Variants in GPHN observed in about 807,000 individuals in gnomAD.
GPHN encodes gephyrin.
In GPHN, 17 loss-of-function variants were observed where a neutral mutation model predicts 95.5. The observed-to-expected ratio is 0.18, with a 90% CI of 0.12 to 0.27. The LOEUF is 0.27. Ranked by LOEUF, GPHN falls within the 10% of genes least tolerant of loss-of-function variation. The pLI, the probability that GPHN is intolerant of heterozygous loss-of-function variation, is 1.00. For synonymous variants in GPHN, 320 were observed against 322.5 expected, an observed-to-expected ratio of 0.99 and a Z score of 0.08; for missense variants, 660 against 978.1, an observed-to-expected ratio of 0.67 and a Z score of 4.34.
At chr14:66,962,864 C>T (rs1443955302) in intron 8 of GPHN, among the ~76,000 whole-genome samples, 1 of 151,670 alleles carries the variant, frequency 6.6e-6, no homozygotes, top group Non-Finnish European at 1.5e-5. Flanking sequence ...AATAATTTAT[C>T]TTCCAAACCA....
chr14:66,611,153 A>C lies in GPHN; in HGVS notation c.65-69954A>C, dbSNP rs932554711. ...TGCATAGAAATTTTTCAAATAAGAA[A>C]CTAATATACTTCAAGAATATGCAGG... is the stretch of plus-strand genomic sequence containing the variant. On this transcript the variant is annotated intron_variant, in intron 1 of 22. Coordinates refer to ENST00000478722, the MANE Select transcript of GPHN (RefSeq NM_020806.5). Among the ~76,000 whole-genome samples the C allele has an allele frequency of 2.0e-5, 3 of 152,196 alleles. No individual in the cohort carries two copies. The East Asian group carries it at 5.8e-4, about 29-fold the overall frequency.
intron 3 of GPHN, among the ~76,000 whole-genome samples, chr14:66,794,173 G>A (rs1277182103): frequency 6.6e-6 from 1 of 152,134 alleles, no homozygotes; most frequent in African/African-American, 2.4e-5. Flanking sequence ...GGCCTGGTGG[G>A]AGGTGACTGG....
intron 1 of GPHN, among the ~76,000 whole-genome samples, chr14:66,655,147 C>G (rs554484944): frequency 6.6e-6 from 1 of 152,184 alleles, no homozygotes; most frequent in East Asian, 1.9e-4. Flanking sequence ...TCTATGTATA[C>G]TAAAAATACT....
chr14:67,527,929 G>A, the GPHN span, among the ~76,000 whole-genome samples: 1 of 152,176 alleles, frequency 6.6e-6, no homozygotes, highest in Non-Finnish European at 1.5e-5. Context: ...GGAGGTCAAG[G>A]AGCATGAAGA....
chr14:67,729,093 A>C, the GPHN span: 19 of 1,181,860 alleles, frequency 1.6e-5, no homozygotes, highest in African/African-American at 3.0e-5. Flanking sequence ...ATGTTTCCTG[A>C]GTCCCTCCTT....
the GPHN span, among the ~76,000 whole-genome samples, chr14:67,269,257 T>C: frequency 6.6e-6 from 1 of 152,358 alleles, no homozygotes; most frequent in Admixed American, 6.5e-5. Flanking sequence ...TTTAATAAAT[T>C]CATCAGTTGA....
intron 1 of GPHN, among the ~76,000 whole-genome samples, chr14:66,523,825 T>A (rs2058575535): frequency 6.6e-6 from 1 of 152,096 alleles, no homozygotes; most frequent in African/African-American, 2.4e-5. Context: ...CTGTACAACT[T>A]TTGGGTATCT....
intron 9 of GPHN, among the ~76,000 whole-genome samples, chr14:67,007,682 G>C (rs778730910): frequency 5.3e-5 from 8 of 152,120 alleles, no homozygotes; most frequent in Non-Finnish European, 1.0e-4. Flanking sequence ...CACTCCTTCG[G>C]TCAACCTATG....
intron 18 of GPHN, among the ~76,000 whole-genome samples, chr14:67,145,122 A>G (rs1391995104): frequency 2.0e-5 from 3 of 152,228 alleles, no homozygotes; most frequent in East Asian, 1.9e-4. Flanking sequence ...TACTCTCAAT[A>G]TTACAAGAGC....
At chr14:66,912,398 C>T (rs942198295) in intron 5 of GPHN, among the ~76,000 whole-genome samples, 5 of 152,042 alleles carry the variant, frequency 3.3e-5, no homozygotes, top group Admixed American at 6.6e-5. Context: ...AAATGCCCTT[C>T]CTATTGTTCC....
At chr14:66,574,775 A>G (rs2060839357) in intron 1 of GPHN, among the ~76,000 whole-genome samples, 1 of 152,226 alleles carries the variant, frequency 6.6e-6, no homozygotes, top group South Asian at 2.1e-4. Context: ...GAGAACAAAA[A>G]TAAGGGAAAG....
the GPHN span, chr14:67,221,829 A>G: frequency 4.3e-6 from 7 of 1,611,692 alleles, no homozygotes; most frequent in Non-Finnish European, 5.9e-6. Context: ...ATTCCACTAC[A>G]TGTTTTATTG....
At chr14:67,077,686 T>G (rs955692049) in intron 11 of GPHN, among the ~76,000 whole-genome samples, 5 of 152,158 alleles carry the variant, frequency 3.3e-5, no homozygotes, top group African/African-American at 1.2e-4. Flanking sequence ...ATCTCAGTTT[T>G]AAAAAGCCAG....
chr14:67,569,397 GTCGTACAGGT>G, the GPHN span, among the ~76,000 whole-genome samples: 1 of 152,220 alleles, frequency 6.6e-6, no homozygotes, highest in Non-Finnish European at 1.5e-5. Context: ...GGAAAGGGAA[GTCGTACAGGT>G]TCAGCCCATC....
the GPHN span, chr14:67,662,598 C>A: frequency 6.9e-7 from 1 of 1,439,122 alleles, no homozygotes; most frequent in Admixed American, 2.0e-5. Flanking sequence ...AAAGGCCATT[C>A]CCTCTGCTTC....
At chr14:66,883,451 T>C (rs77270878) in intron 5 of GPHN, among the ~76,000 whole-genome samples, 2,299 of 152,182 alleles carry the variant, frequency 0.015, 32 homozygotes, top group Non-Finnish European at 0.018. Flanking sequence ...AGAATAGTTA[T>C]AATAACTGCT....
At chr14:67,540,582 C>T in the GPHN span, among the ~76,000 whole-genome samples, 12 of 150,802 alleles carry the variant, frequency 8.0e-5, no homozygotes, top group African/African-American at 2.9e-4. Context: ...GCCAAAATTG[C>T]ACCATTGTAC....
the GPHN span, chr14:67,555,789 G>A: frequency 6.2e-7 from 1 of 1,610,436 alleles, no homozygotes; most frequent in Non-Finnish European, 8.5e-7. Context: ...GTAGGGACAT[G>A]GCACCTACAT....
chr14:66,577,247 G>A (rs1357715047), intron 1 of GPHN, among the ~76,000 whole-genome samples: 2 of 152,102 alleles, frequency 1.3e-5, no homozygotes, highest in African/African-American at 2.4e-5. Context: ...AATTTTAAAG[G>A]TGGAAGGAAC....
Sources: gnomAD v4.1 joint callset for allele counts (sites outside exome capture counted in the v4.1 genomes callset) on GRCh38, gnomAD v4.1.1 for gene constraint, MANE v1.5 for transcripts, NCBI Gene and HGNC (gene_info 2026-07-23, HGNC 2026-07-21) for gene names.